CNST: variants seen among roughly 807,000 people sequenced by gnomAD.
CNST encodes consortin.
Under a neutral mutation model 72.4 loss-of-function variants are expected in CNST, and 39 were observed. The ratio of observed to expected loss-of-function variants is 0.54; its 90% CI spans 0.42 to 0.70. The LOEUF (loss-of-function observed/expected upper bound fraction) is 0.70, where lower values mean the gene tolerates loss of function less well. Among genes scored for constraint, CNST ranks in the 30% least tolerant of loss-of-function variants. The probability of loss-of-function intolerance (pLI) is 0.00; values close to 1 mark genes in which losing one functional copy is unlikely to be tolerated. For missense variants in CNST, 871 were observed against 868.5 expected (o/e 1.00, Z -0.04); for synonymous variants, 332 against 320.1 (o/e 1.04, Z -0.40).
chr1:246,664,431 C>CTTT (rs571280092), intron 10 of CNST, among the ~76,000 whole-genome samples: 15 of 144,020 alleles, frequency 1.0e-4, no homozygotes, highest in South Asian at 2.2e-4. Flanking sequence ...GTCTTTTTTT[C>CTTT]TTTTTTTTTT....
rs371579273 is a variant in CNST, at chr1:246,634,526, G to A, written c.757G>A (p.Glu253Lys). The A allele has an allele frequency of 3.7e-6, 6 of 1,609,752 alleles. No individual in the cohort carries two copies. Among genetic ancestry groups the A allele is most frequent in the Non-Finnish European group, 4.2e-6 (5 of 1,179,252 alleles). ...PHTVTALRNS[E>K]KGFNGEDFER... The stretch of plus-strand genomic sequence containing the variant: ...TACAGTTACGGCTCTAAGGAATTCA[G>A]AAAAGGGATTTAATGGTGAAGATTT... Residue 253 changes from glutamate (E) to lysine (K), a missense_variant, in exon 6 of 11, where the codon GAA becomes AAA. Glu to Lys is a moderately conservative substitution (Grantham distance 56). Transcript: ENST00000366513.
At position 246,569,970 on chromosome 1, in the gene CNST, T is replaced by C. The variant is rs141618864; in HGVS notation, c.-52+3307T>C. 8.4e-4 allele frequency: 807 copies of C among 957,144 alleles called. 3 individuals carry two copies. In the African/African-American group the frequency reaches 0.014, roughly 16 times the overall value. The allele number at this position is 957,144 out of a possible 1,614,324, so 59.3% of individuals were successfully genotyped here. ...GGTAGAGTACCTGTTGTTGCAGAGT[T>C]ATTTTCTGAGTCAGTTTCAGGTAAG... On this transcript the variant is annotated intron_variant, in intron 1 of 10. Transcript: ENST00000366513.
intron 2 of CNST, among the ~76,000 whole-genome samples, chr1:246,613,633 T>C (rs1367685005): frequency 1.6e-5 from 2 of 122,160 alleles, no homozygotes; most frequent in Non-Finnish European, 3.5e-5. Flanking sequence ...GAGGCCTTTT[T>C]TTATTCTTTC....
At chr1:246,578,578 G>A (rs1660587843) in intron 1 of CNST, among the ~76,000 whole-genome samples, 3 of 152,078 alleles carry the variant, frequency 2.0e-5, no homozygotes, top group Admixed American at 6.5e-5. Context: ...GGCTGAGGCA[G>A]GAGAATTGCT....
intron 9 of CNST, among the ~76,000 whole-genome samples, chr1:246,655,432 A>T (rs1666724214): frequency 6.6e-6 from 1 of 152,178 alleles, no homozygotes; most frequent in African/African-American, 2.4e-5. Context: ...ACATGTTTTT[A>T]TCAATCTGCC....
chr1:246,566,826 C>T (rs1659726102), intron 1 of CNST, 163 bp downstream of exon 1: 4 of 396,846 alleles, frequency 1.0e-5, no homozygotes, highest in African/African-American at 2.1e-5. Flanking sequence ...TCCTCCGCCT[C>T]TCAGGTCGCC....
At position 246,642,097 on chromosome 1, in the gene CNST, T is replaced by C. The variant is rs1256636412; in HGVS notation, c.937+60T>C. The C allele has an allele frequency of 3.5e-5, 29 of 821,014 alleles. No homozygotes were observed. In the East Asian group the frequency reaches 8.0e-4, roughly 23 times the overall value. The allele number at this position is 821,014 out of a possible 1,614,324, so 50.9% of individuals were successfully genotyped here. On this transcript the variant is annotated intron_variant, in intron 8 of 10. Transcript: ENST00000366513. ...AAGATACCTGCCTCTTCTGATCTTT[T>C]ACAAGTGATACATCTGAATTGCTGC...
chr1:246,639,336 C>T (rs999372002), intron 6 of CNST, among the ~76,000 whole-genome samples: 17 of 151,904 alleles, frequency 1.1e-4, no homozygotes, highest in African/African-American at 4.1e-4. Flanking sequence ...CTTAGTATAA[C>T]GGTTTGGCAA....
intron 4 of CNST, among the ~76,000 whole-genome samples, chr1:246,633,493 A>G (rs887438155): frequency 1.3e-5 from 2 of 151,696 alleles, no homozygotes; most frequent in Admixed American, 1.3e-4. Context: ...CTGTAATCCC[A>G]GCACTTTGGG....
chr1:246,570,704 T>G (rs1200094756), intron 1 of CNST, among the ~76,000 whole-genome samples: 1 of 152,216 alleles, frequency 6.6e-6, no homozygotes, highest in African/African-American at 2.4e-5. Flanking sequence ...TGTTTTTTGT[T>G]TGTATTTAAA....
intron 1 of CNST, among the ~76,000 whole-genome samples, chr1:246,568,258 A>T (rs1659847854): frequency 6.6e-6 from 1 of 152,268 alleles, no homozygotes; most frequent in African/African-American, 2.4e-5. Context: ...TAGCCTACTG[A>T]GTCCTAGAAA....
chr1:246,586,147 ATT>A (rs1350887919), intron 1 of CNST, among the ~76,000 whole-genome samples: 5 of 129,170 alleles, frequency 3.9e-5, no homozygotes, highest in Admixed American at 1.5e-4. Flanking sequence ...GTGTGTATAT[ATT>A]ACTGATAGTA....
At chr1:246,629,671 T>G (rs1002254434) in intron 3 of CNST, among the ~76,000 whole-genome samples, 9 of 152,214 alleles carry the variant, frequency 5.9e-5, no homozygotes, top group African/African-American at 2.2e-4. Context: ...TCATACCATA[T>G]ATAGAAAGGA....
intron 9 of CNST, among the ~76,000 whole-genome samples, chr1:246,659,389 T>C (rs1484696259): frequency 6.6e-6 from 1 of 152,080 alleles, no homozygotes; most frequent in African/African-American, 2.4e-5. Context: ...GGTCAGGAGA[T>C]CGAGACCATC....
intron 9 of CNST, among the ~76,000 whole-genome samples, chr1:246,658,728 CCAGCAAGTCACTGGCCTGAT>C (rs1666899776): frequency 9.8e-6 from 1 of 102,348 alleles, no homozygotes; most frequent in Admixed American, 1.1e-4. Context: ...GTCACTGATG[CCAGCAAGTCACTGGCCTGAT>C]GCCAGCAAGT....
At position 246,660,210 on chromosome 1, in the gene CNST, T is replaced by C; in HGVS notation, c.1848T>C (p.Thr616=). The C allele has an allele frequency of 6.2e-7, 1 of 1,609,586 alleles. No individual in the cohort carries two copies. Among genetic ancestry groups the C allele is most frequent in the Non-Finnish European group, 8.5e-7 (1 of 1,178,432 alleles). The change falls in exon 10 of 11, where the codon ACT becomes ACC. Residue 616 remains threonine, a synonymous_variant. Coordinates refer to ENST00000366513, the MANE Select transcript of CNST (RefSeq NM_152609.3). ...KRIEIAEVVP[T]EGLVSILKKR... ...ATAATTTCTGACAGGTTGTTCCTAC[T>C]GAAGGATTGGTCTCCATATTAAAGA...
At chr1:246,575,233 C>A (rs1213482762) in intron 1 of CNST, among the ~76,000 whole-genome samples, 2 of 151,986 alleles carry the variant, frequency 1.3e-5, no homozygotes, top group Admixed American at 6.6e-5. Context: ...ACCTCCTGAC[C>A]TTTTGTCAAG....
In CNST at chr1:246,634,478, A is replaced by C. The variant is rs1167045138; in HGVS notation, c.709A>C (p.Lys237Gln). The C allele has an allele frequency of 1.9e-5, 29 of 1,566,546 alleles. No homozygotes were observed. Among genetic ancestry groups the C allele is most frequent in the Non-Finnish European group, 2.5e-5 (29 of 1,162,690 alleles). ...AACAAATACTTTAAATTTAGAAACA[A>C]AATGGAAAACTGTGCAACCACATAC... is the stretch of plus-strand genomic sequence containing the variant. The part of the protein sequence containing the change: ...LSAIQEQWET[K>Q]WKTVQPHTVT... The change falls in exon 6 of 11, where the codon AAA (lysine) becomes CAA (glutamine). Residue 237 changes from lysine (K) to glutamine (Q), a missense_variant. Coordinates refer to ENST00000366513, the MANE Select transcript of CNST (RefSeq NM_152609.3).
chr1:246,646,504 G>T (rs1666080967), intron 8 of CNST, among the ~76,000 whole-genome samples: 1 of 151,968 alleles, frequency 6.6e-6, no homozygotes, highest in African/African-American at 2.4e-5. Flanking sequence ...TTTTGAGATG[G>T]AGTTTTGCTC....
Sources: gnomAD v4.1 joint callset for allele counts (sites outside exome capture counted in the v4.1 genomes callset) on GRCh38, gnomAD v4.1.1 for gene constraint, MANE v1.5 for transcripts, NCBI Gene and HGNC (gene_info 2026-07-23, HGNC 2026-07-21) for gene names.